The following CSMD1 variants were observed in gnomAD, a reference collection of about 807,000 sequenced individuals.
The protein encoded by CSMD1 is CUB and Sushi multiple domains 1.
CSMD1 carries 213 observed loss-of-function variants against 417.5 expected under a neutral mutation model. The ratio of observed to expected loss-of-function variants is 0.51; its 90% CI spans 0.46 to 0.57. CSMD1 has a LOEUF of 0.57. Ranked by LOEUF, CSMD1 falls within the 20% of genes least tolerant of loss-of-function variation. CSMD1 has a pLI of 0.00. For synonymous variants in CSMD1, 2,862 were observed against 1,736.8 expected, an observed-to-expected ratio of 1.65 and a Z score of -16.11; for missense variants, 6,923 against 4,529.7, an observed-to-expected ratio of 1.53 and a Z score of -15.17.
At chr8:3,139,707 A>G (rs1818316144) in intron 41 of CSMD1, among the ~76,000 whole-genome samples, 1 of 151,986 alleles carries the variant, frequency 6.6e-6, no homozygotes, top group Admixed American at 6.6e-5. Flanking sequence ...GTACGTGTGT[A>G]TGTGTGTGTG....
chr8:3,786,805 GAGA>G (rs773912711), intron 5 of CSMD1, among the ~76,000 whole-genome samples: 8 of 152,146 alleles, frequency 5.3e-5, no homozygotes, highest in Non-Finnish European at 1.0e-4. Context: ...GTGGTAGAGA[GAGA>G]AGAAGGAAAC....
At chr8:3,432,128 G>C (rs1027420358) in intron 12 of CSMD1, among the ~76,000 whole-genome samples, 1 of 152,144 alleles carries the variant, frequency 6.6e-6, no homozygotes, top group South Asian at 2.1e-4. Flanking sequence ...CAACTTACCA[G>C]AAAGATGACT....
At chr8:4,863,965 T>G (rs980185053) in intron 1 of CSMD1, among the ~76,000 whole-genome samples, 1 of 152,022 alleles carries the variant, frequency 6.6e-6, no homozygotes, top group Non-Finnish European at 1.5e-5. Context: ...CAAGACATGA[T>G]TGAAAAATGA....
At chr8:3,954,402 G>A (rs918156002) in intron 5 of CSMD1, among the ~76,000 whole-genome samples, 2 of 152,084 alleles carry the variant, frequency 1.3e-5, no homozygotes, top group Non-Finnish European at 2.9e-5. Flanking sequence ...TCGCTCTGCT[G>A]CCCAGGCTGG....
At chr8:3,124,059 C>G (rs1041208934) in intron 41 of CSMD1, among the ~76,000 whole-genome samples, 2 of 152,094 alleles carry the variant, frequency 1.3e-5, no homozygotes, top group Admixed American at 1.3e-4. Context: ...CCAATGGCTG[C>G]GGGCTACTCT....
chr8:4,328,998 A>G (rs1410110157), intron 3 of CSMD1, among the ~76,000 whole-genome samples: 5 of 152,202 alleles, frequency 3.3e-5, no homozygotes, highest in Non-Finnish European at 7.3e-5. Context: ...TGTGTTTACT[A>G]TTCCTCTTGG....
chr8:4,650,137 A>G (rs1402093426), intron 1 of CSMD1, among the ~76,000 whole-genome samples: 1 of 152,094 alleles, frequency 6.6e-6, no homozygotes, highest in Non-Finnish European at 1.5e-5. Context: ...CGAGGTCAGG[A>G]GATCGAGACC....
At position 3,616,725 on chromosome 8, in the gene CSMD1, G is replaced by A. The variant is rs780338762; in HGVS notation, c.1082C>T (p.Ala361Val). 2.5e-6 allele frequency: 4 copies of A among 1,610,610 alleles called. No homozygotes were observed. The highest frequency in any genetic ancestry group is 3.4e-6 in the Non-Finnish European group (4 of 1,177,478). Residue 361 changes from alanine (A) to valine (V), a missense_variant, in exon 8 of 70, where the codon GCA (alanine) becomes GTA (valine). Ala to Val is a moderately conservative substitution (Grantham distance 64). Transcript: ENST00000635120. ...DPGIPENGRRAGSDFRVGANV... is the reference protein window; with the variant it reads ...DPGIPENGRRVGSDFRVGANV... ...TATCTCTTACCTGAAGTCGGAACCT[G>A]CTCTTCTACCATTTTCTGGAATCCC...
At chr8:3,629,711 C>T (rs1483828122) in intron 7 of CSMD1, among the ~76,000 whole-genome samples, 2 of 142,732 alleles carry the variant, frequency 1.4e-5, no homozygotes, top group East Asian at 2.0e-4. Flanking sequence ...ATGATCGGCA[C>T]AGAAAGAATA....
chr8:4,407,696 C>T (rs1011416472), intron 3 of CSMD1, among the ~76,000 whole-genome samples: 9 of 152,102 alleles, frequency 5.9e-5, no homozygotes, highest in African/African-American at 9.7e-5. Context: ...TTTGTTATCA[C>T]GATATTCATA....
chr8:3,896,118 G>C (rs1398002010), intron 5 of CSMD1, among the ~76,000 whole-genome samples: 1 of 152,110 alleles, frequency 6.6e-6, no homozygotes, highest in African/African-American at 2.4e-5. Flanking sequence ...GCCCATTCTT[G>C]GGGCTTGAGT....
intron 5 of CSMD1, among the ~76,000 whole-genome samples, chr8:3,987,660 C>G (rs13280880): frequency 0.27 from 41,110 of 152,034 alleles, 5,677 homozygotes; most frequent in Middle Eastern, 0.3. Flanking sequence ...GCAGAAGAGA[C>G]AGTTCCCAGA....
intron 5 of CSMD1, among the ~76,000 whole-genome samples, chr8:3,913,535 T>C (rs1312414330): frequency 1.3e-5 from 2 of 152,106 alleles, no homozygotes; most frequent in Non-Finnish European, 2.9e-5. Context: ...GAGCGAGCCC[T>C]AGGTGCAAGT....
chr8:3,428,770 A>T (rs752641054), intron 12 of CSMD1, among the ~76,000 whole-genome samples: 2 of 152,218 alleles, frequency 1.3e-5, no homozygotes, highest in South Asian at 2.1e-4. Context: ...TCACTGCAGA[A>T]TCATTCACAA....
chr8:3,877,371 C>T (rs1453655082), intron 5 of CSMD1, among the ~76,000 whole-genome samples: 1 of 152,178 alleles, frequency 6.6e-6, no homozygotes, highest in African/African-American at 2.4e-5. Flanking sequence ...TGGCTACCTG[C>T]CAGACATGGC....
chr8:3,308,562 C>G (rs945318482), intron 23 of CSMD1, 59 bp from the exon 24 acceptor site: 2 of 1,374,016 alleles, frequency 1.5e-6, no homozygotes, highest in Middle Eastern at 1.9e-4. Context: ...TGCCTTAAAA[C>G]AGAGATGAAA....
intron 3 of CSMD1, among the ~76,000 whole-genome samples, chr8:4,383,062 G>T (rs891599964): frequency 6.6e-6 from 1 of 152,168 alleles, no homozygotes; most frequent in African/African-American, 2.4e-5. Flanking sequence ...GGATTCGGGA[G>T]TAATAGCTGC....
At chr8:3,230,006 G>T in intron 27 of CSMD1, 34 bp downstream of exon 27, 1 of 1,433,294 alleles carries the variant, frequency 7.0e-7, no homozygotes, top group Non-Finnish European at 9.3e-7. Context: ...ATCCATTCCT[G>T]AATATAAAAT....
chr8:4,157,553 G>A (rs1424759243), intron 3 of CSMD1, among the ~76,000 whole-genome samples: 3 of 152,076 alleles, frequency 2.0e-5, no homozygotes, highest in East Asian at 1.9e-4. Flanking sequence ...CAATGACTGT[G>A]TTGTCATTCC....
Sources: gnomAD v4.1 joint callset for allele counts (sites outside exome capture counted in the v4.1 genomes callset) on GRCh38, gnomAD v4.1.1 for gene constraint, MANE v1.5 for transcripts, NCBI Gene and HGNC (gene_info 2026-07-23, HGNC 2026-07-21) for gene names.